The following NDUFA10 variants were observed in gnomAD, a reference collection of about 807,000 sequenced individuals.
NDUFA10 encodes NADH:ubiquinone oxidoreductase subunit A10.
Under a neutral mutation model 47.8 loss-of-function variants are expected in NDUFA10, and 40 were observed. The ratio of observed to expected loss-of-function variants is 0.84; its 90% CI spans 0.65 to 1.09. NDUFA10 has a LOEUF of 1.09. Ranked by LOEUF, NDUFA10 falls within the 50% of genes least tolerant of loss-of-function variation. NDUFA10 has a pLI of 0.00. For synonymous variants in NDUFA10, 183 were observed against 172.2 expected (o/e 1.06, Z -0.49); for missense variants, 413 against 451.1 (o/e 0.92, Z 0.76).
rs1318582321 is a variant in NDUFA10, at chr2:239,925,656, A to T, written c.295-30342T>A. ...AAGACTTGACTCGTAAAGTATTATC[A>T]ATTAAAAAATATACATAAAATTGGA... is the stretch of plus-strand genomic sequence containing the variant. On this transcript the variant is annotated intron_variant, in intron 4 of 5. Coordinates refer to the NDUFA10 transcript ENST00000419408. 3.9e-5 allele frequency among the ~76,000 whole-genome samples: 6 copies of T among 152,348 alleles called. No individual in the cohort carries two copies. The East Asian group carries it at 1.2e-3, about 29-fold the overall frequency.
intron 9 of NDUFA10, chr2:239,969,366 T>G: frequency 4.8e-6 from 1 of 208,936 alleles, no homozygotes. Context: ...GTGGTGGCCA[T>G]GAAAATGTGC....
At chr2:239,951,585 C>G (rs1028247598) in intron 4 of NDUFA10, among the ~76,000 whole-genome samples, 1 of 152,214 alleles carries the variant, frequency 6.6e-6, no homozygotes, top group Non-Finnish European at 1.5e-5. Flanking sequence ...GTGCCGGACA[C>G]TGAGAAGCAG....
intron 5 of NDUFA10, chr2:240,013,540 T>TG (rs1463242776): frequency 4.5e-4 from 68 of 152,358 alleles, no homozygotes; most frequent in African/African-American, 1.5e-3. Flanking sequence ...TGCCACTTGA[T>TG]GGAAGGTTCT....
intron 4 of NDUFA10, among the ~76,000 whole-genome samples, chr2:239,905,105 G>A (rs1011669517): frequency 6.6e-6 from 1 of 152,216 alleles, no homozygotes; most frequent in African/African-American, 2.4e-5. Flanking sequence ...TTTGGAAACT[G>A]CTGTTCTACC....
At chr2:240,011,734 A>G in intron 5 of NDUFA10, 38 bp from the exon 6 acceptor site, 2 of 1,522,816 alleles carry the variant, frequency 1.3e-6, no homozygotes, top group Non-Finnish European at 1.8e-6. Context: ...GGAAACATTT[A>G]GAGTTCATTC....
intron 6 of NDUFA10, among the ~76,000 whole-genome samples, chr2:240,008,758 G>A (rs182214984): frequency 6.6e-6 from 1 of 152,354 alleles, no homozygotes; most frequent in Admixed American, 6.5e-5. Context: ...TGCTGTGTGG[G>A]GTATGGAAGG....
At chr2:239,991,876 T>C (rs1458525592) in intron 8 of NDUFA10, among the ~76,000 whole-genome samples, 1 of 152,238 alleles carries the variant, frequency 6.6e-6, no homozygotes, top group East Asian at 1.9e-4. Context: ...CTGGACCATG[T>C]GTAGTATAGA....
In NDUFA10 at chr2:240,017,502, GC is replaced by G. The variant is rs1697408968; in HGVS notation, c.547+1050del. Among the ~76,000 whole-genome samples, 9 of 152,286 alleles carry G rather than the reference GC, an allele frequency of 5.9e-5. No homozygotes were observed. In the South Asian group the frequency reaches 1.7e-3, roughly 28 times the overall value. On this transcript the variant is annotated intron_variant, in intron 4 of 9. Coordinates refer to ENST00000252711, the MANE Select transcript of NDUFA10 (RefSeq NM_004544.4). ...GCACCCAGGAGTAATGCTCAGGAGT[GC>G]TAAGTACACTTTATTACAATGAACC...
intron 8 of NDUFA10, among the ~76,000 whole-genome samples, chr2:240,004,877 C>G (rs1221645276): frequency 2.0e-5 from 3 of 152,162 alleles, no homozygotes; most frequent in Non-Finnish European, 4.4e-5. Flanking sequence ...CCTTTGTGAC[C>G]TGACGCAGTT....
intron 4 of NDUFA10, among the ~76,000 whole-genome samples, chr2:239,931,636 A>G (rs1694176266): frequency 6.6e-6 from 1 of 152,190 alleles, no homozygotes. Context: ...GCAGGTGCCC[A>G]GTCAGTGTTT....
intron 4 of NDUFA10, among the ~76,000 whole-genome samples, chr2:239,916,419 C>T (rs1381121843): frequency 6.6e-6 from 1 of 150,784 alleles, no homozygotes; most frequent in African/African-American, 2.5e-5. Context: ...CAGTAGCGCA[C>T]ACACACAGAC....
chr2:239,982,006 G>A, intron 9 of NDUFA10: 1 of 1,436,298 alleles, frequency 7.0e-7, no homozygotes, highest in Non-Finnish European at 9.4e-7. Flanking sequence ...CTTGCTCCAG[G>A]AAATAACCGG....
intron 4 of NDUFA10, among the ~76,000 whole-genome samples, chr2:239,937,281 T>C (rs978135480): frequency 1.5e-4 from 23 of 152,326 alleles, no homozygotes; most frequent in African/African-American, 5.3e-4. Flanking sequence ...TTTCAGGAAA[T>C]TTACAGAATT....
At chr2:239,911,174 C>T (rs922866276) in intron 4 of NDUFA10, among the ~76,000 whole-genome samples, 4 of 152,228 alleles carry the variant, frequency 2.6e-5, no homozygotes, top group Admixed American at 2.6e-4. Flanking sequence ...CTCCAAGCAA[C>T]ACCACTTACT....
At chr2:239,964,844 T>G (rs1039858696) in intron 9 of NDUFA10, among the ~76,000 whole-genome samples, 3 of 152,174 alleles carry the variant, frequency 2.0e-5, no homozygotes, top group Admixed American at 6.5e-5. Flanking sequence ...ACTGCAGAAT[T>G]AAGCCCAAAG....
intron 4 of NDUFA10, among the ~76,000 whole-genome samples, chr2:239,932,455 G>A (rs1039632741): frequency 3.3e-5 from 5 of 152,188 alleles, no homozygotes; most frequent in African/African-American, 7.2e-5. Flanking sequence ...CGGCACCCCC[G>A]CAAGCCCGCA....
chr2:240,018,024 C>T (rs1697436537), intron 4 of NDUFA10: 1 of 807,958 alleles, frequency 1.2e-6, no homozygotes, highest in Non-Finnish European at 2.0e-6. Flanking sequence ...CAGCCTGCTT[C>T]AAACCAGGGG....
At chr2:240,001,271 GA>G (rs1359665198) in intron 8 of NDUFA10, among the ~76,000 whole-genome samples, 3 of 151,836 alleles carry the variant, frequency 2.0e-5, no homozygotes, top group Non-Finnish European at 2.9e-5. Flanking sequence ...AAAAGTAAAA[GA>G]AAAAAAGCTT....
chr2:239,968,457 GC>G (rs1209719413), intron 9 of NDUFA10, among the ~76,000 whole-genome samples: 11 of 152,316 alleles, frequency 7.2e-5, no homozygotes, highest in African/African-American at 2.4e-4. Flanking sequence ...TACTGTTAGG[GC>G]CTAAGTGAGA....
Sources: allele counts gnomAD v4.1 joint callset (sites outside exome capture counted in the v4.1 genomes callset), GRCh38; gene constraint gnomAD v4.1.1; transcripts MANE v1.5; gene names NCBI Gene and HGNC (gene_info 2026-07-23, HGNC 2026-07-21).